Variants in CFAP44 observed in about 807,000 individuals in gnomAD.
CFAP44 encodes cilia- and flagella-associated protein 44.
In CFAP44, 134 loss-of-function variants were observed where a neutral mutation model predicts 216.2. The ratio of observed to expected loss-of-function variants is 0.62; its 90% CI spans 0.54 to 0.72. The LOEUF (loss-of-function observed/expected upper bound fraction) is 0.72. CFAP44 is among the 30% of genes least tolerant of loss of function. The pLI is 0.00. For synonymous variants in CFAP44, 700 were observed against 727.6 expected, an observed-to-expected ratio of 0.96 and a Z score of 0.61; for missense variants, 2,035 against 2,182.1, an observed-to-expected ratio of 0.93 and a Z score of 1.34.
intron 15 of CFAP44, among the ~76,000 whole-genome samples, chr3:113,386,314 C>T (rs1394559995): frequency 6.6e-6 from 1 of 152,060 alleles, no homozygotes; most frequent in African/African-American, 2.4e-5. Context: ...CATTCAGCTT[C>T]TCTATGTCTT....
intron 5 of CFAP44, among the ~76,000 whole-genome samples, chr3:113,418,477 T>C (rs1361805406): frequency 1.3e-5 from 2 of 152,154 alleles, no homozygotes; most frequent in Non-Finnish European, 2.9e-5. Context: ...CCAGGTAGGG[T>C]GCCCAAACAC....
At chr3:113,313,697 T>C (rs557760438) in intron 28 of CFAP44, among the ~76,000 whole-genome samples, 4 of 152,128 alleles carry the variant, frequency 2.6e-5, no homozygotes, top group South Asian at 4.1e-4. Context: ...GCAGTGAATA[T>C]GTCTCACAAG....
At position 113,380,842 on chromosome 3, in the gene CFAP44, T is replaced by G. The variant is rs527291720; in HGVS notation, c.2052+57A>C. ...TCCATCAGCACTTAACATAGGATAT[T>G]TTATATTCTAAGGAAAGGAAATTAT... On this transcript the variant is annotated intron_variant, in intron 16 of 34. Coordinates refer to ENST00000393845, the MANE Select transcript of CFAP44 (RefSeq NM_001164496.2). The G allele has an allele frequency of 6.5e-6, 9 of 1,379,562 alleles. No individual in the cohort carries two copies. The East Asian group carries it at 2.0e-4, about 31-fold the overall frequency. 85.5% of individuals were successfully genotyped at this position (1,379,562 alleles called of 1,614,324 possible).
chr3:113,419,787 T>C (rs1934758102), intron 5 of CFAP44, among the ~76,000 whole-genome samples: 1 of 152,162 alleles, frequency 6.6e-6, no homozygotes, highest in South Asian at 2.1e-4. Context: ...CATTTCCTTA[T>C]CTGCAAAAAG....
intron 21 of CFAP44, 69 bp from the exon 22 acceptor site, chr3:113,358,944 G>A: frequency 1.4e-6 from 2 of 1,474,036 alleles, no homozygotes; most frequent in Non-Finnish European, 9.0e-7. Flanking sequence ...TTTCAGTTTT[G>A]TCCCCAGTTT....
At chr3:113,314,063 G>C (rs1576543147) in intron 28 of CFAP44, among the ~76,000 whole-genome samples, 1 of 152,102 alleles carries the variant, frequency 6.6e-6, no homozygotes, top group Non-Finnish European at 1.5e-5. Context: ...GAGCCTCAGG[G>C]ACCTTTTGGA....
In CFAP44 at chr3:113,393,842, TCAC is replaced by T. The variant is rs548379361; in HGVS notation, c.1890+1905_1890+1907del. Among the ~76,000 whole-genome samples the T allele has an allele frequency of 3.0e-3, 463 of 152,144 alleles. 3 individuals carry two copies. Among genetic ancestry groups the T allele is most frequent in the Admixed American group, 2.3e-3 (35 of 15,272 alleles). On this transcript the variant is annotated intron_variant, in intron 15 of 34. Coordinates refer to ENST00000393845, the MANE Select transcript of CFAP44 (RefSeq NM_001164496.2). ...CCCACTCTCCCTCTTGCTTCCTCTC[TCAC>T]CACATGATCTCTATACAGGCTAACT... is the stretch of plus-strand genomic sequence containing the variant.
chr3:113,327,019 T>C (rs902720206), intron 27 of CFAP44, among the ~76,000 whole-genome samples: 3 of 152,122 alleles, frequency 2.0e-5, no homozygotes, highest in African/African-American at 7.2e-5. Flanking sequence ...CAAAGAGACA[T>C]ATAATTTCTA....
intron 21 of CFAP44, among the ~76,000 whole-genome samples, chr3:113,359,478 T>C (rs1950518674): frequency 6.6e-6 from 1 of 152,216 alleles, no homozygotes; most frequent in African/African-American, 2.4e-5. Flanking sequence ...AGTAATGATG[T>C]GTACAAAGTG....
At chr3:113,296,006 T>G (rs1003154887) in intron 33 of CFAP44, among the ~76,000 whole-genome samples, 1 of 152,174 alleles carries the variant, frequency 6.6e-6, no homozygotes, top group African/African-American at 2.4e-5. Flanking sequence ...CATCACCAGA[T>G]AGCAAACGTT....
Position 113,330,521 on chromosome 3 carries a change from T to C in CFAP44, c.3763A>G (p.Lys1255Glu). 1 of 1,537,242 alleles carries C rather than the reference T, an allele frequency of 6.5e-7. No individual in the cohort carries two copies. ...TCTTCTGGGTGTATCTGAGGAATTTTGGGAATGGGTATGTGCTTGGATATG... is the reference window on the plus strand; with the variant it reads ...TCTTCTGGGTGTATCTGAGGAATTTCGGGAATGGGTATGTGCTTGGATATG... ...LHISKHIPIP[K>E]IPQIHPEEVP... Residue 1255 changes from lysine to glutamate, a missense_variant, in exon 26 of 35, where the codon AAA becomes GAA. This residue lies in a region of CFAP44 where 1,883 missense variants were observed against 2,023.7 expected (regional missense o/e 0.93). Transcript: ENST00000393845.
intron 22 of CFAP44, among the ~76,000 whole-genome samples, chr3:113,347,110 G>A (rs1277962609): frequency 2.6e-5 from 4 of 152,282 alleles, no homozygotes; most frequent in Admixed American, 2.6e-4. Context: ...GAATTCGGGG[G>A]CTAAATACTG....
chr3:113,395,817 T>A lies in CFAP44; in HGVS notation c.1823A>T (p.Tyr608Phe), dbSNP rs1378021946. 1 of 1,614,006 alleles carries A rather than the reference T, an allele frequency of 6.2e-7. No individual in the cohort carries two copies. The highest frequency in any genetic ancestry group is 1.7e-5 in the Admixed American group (1 of 59,992). The change falls in exon 15 of 35, where the codon TAT becomes TTT. Residue 608 changes from tyrosine to phenylalanine, a missense_variant. Tyr to Phe is a conservative substitution (Grantham distance 22). Transcript: ENST00000393845. ...AGTATTAATATAACCAATCGGCTTA[T>A]AATCCCTTTCCACTTCAAAGAAGAA... is the stretch of plus-strand genomic sequence containing the variant. ...TVFFFEVERDYKPIGYINTPG... is the reference protein window; with the variant it reads ...TVFFFEVERDFKPIGYINTPG...
intron 22 of CFAP44, among the ~76,000 whole-genome samples, chr3:113,354,650 G>A (rs1950477733): frequency 6.6e-6 from 1 of 152,174 alleles, no homozygotes; most frequent in South Asian, 2.1e-4. Flanking sequence ...CAAGGAGAGG[G>A]TGAGCTCAGA....
Position 113,409,313 on chromosome 3 carries a change from T to C in CFAP44, c.683A>G (p.Glu228Gly), listed in dbSNP as rs1934386432. ...RPYRVLRDGT[E>G]KGYAYVDFNY... Reference sequence around the variant, plus strand: ...AAAGTCCACATAAGCATATCCCTTCTCAGTCCCATCTGGAAGGATAAATGG... The same window carrying C: ...AAAGTCCACATAAGCATATCCCTTCCCAGTCCCATCTGGAAGGATAAATGG... The change falls in exon 7 of 35, where the codon GAG (glutamate) becomes GGG (glycine). Residue 228 changes from glutamate to glycine, a missense_variant. Physicochemically the swap from Glu to Gly is moderately conservative, Grantham distance 98. Coordinates refer to ENST00000393845, the MANE Select transcript of CFAP44 (RefSeq NM_001164496.2). The C allele has an allele frequency of 1.2e-6, 2 of 1,613,564 alleles. No homozygotes were observed. The highest frequency in any genetic ancestry group is 1.7e-6 in the Non-Finnish European group (2 of 1,179,716).
intron 6 of CFAP44, among the ~76,000 whole-genome samples, chr3:113,410,333 G>C (rs1043381975): frequency 1.3e-5 from 2 of 151,996 alleles, no homozygotes; most frequent in Admixed American, 1.3e-4. Context: ...GGTGTGTGAT[G>C]TTCCCCTTCC....
At chr3:113,301,657 G>T (rs540343193) in intron 32 of CFAP44, among the ~76,000 whole-genome samples, 2 of 152,224 alleles carry the variant, frequency 1.3e-5, no homozygotes, top group East Asian at 3.9e-4. Context: ...GACAAAAATT[G>T]TATATATTAT....
At position 113,333,567 on chromosome 3, in the gene CFAP44, C is replaced by T; in HGVS notation, c.3454G>A (p.Gly1152Ser). 1 of 1,532,988 alleles carries T rather than the reference C, an allele frequency of 6.5e-7. No homozygotes were observed. The highest frequency in any genetic ancestry group is 8.7e-7 in the Non-Finnish European group (1 of 1,145,790). 95.0% of individuals were successfully genotyped at this position (1,532,988 alleles called of 1,614,324 possible). Residue 1152 changes from glycine (G) to serine (S), a missense_variant, in exon 25 of 35, where the codon GGT (glycine) becomes AGT (serine). Physicochemically the swap from Gly to Ser is moderately conservative, Grantham distance 56. Transcript: ENST00000393845. ...TCTTTGGGATCTTCATAGTCATCACCAGGTTTACTCTTGTATCTATTAGAA... is the reference window on the plus strand; with the variant it reads ...TCTTTGGGATCTTCATAGTCATCACTAGGTTTACTCTTGTATCTATTAGAA... ...EWEELYKSKP[G>S]DDYEDPKDLQ...
intron 32 of CFAP44, among the ~76,000 whole-genome samples, chr3:113,302,702 A>C (rs1448205971): frequency 6.8e-6 from 1 of 147,488 alleles, no homozygotes; most frequent in Non-Finnish European, 1.5e-5. Context: ...CAGAGGTTGC[A>C]GTGAGCCAAG....
Sources: gnomAD v4.1 joint callset for allele counts (sites outside exome capture counted in the v4.1 genomes callset) on GRCh38, gnomAD v4.1.1 for gene constraint, gnomAD v4.1.1 regional missense constraint, MANE v1.5 for transcripts, NCBI Gene and HGNC (gene_info 2026-07-23, HGNC 2026-07-21) for gene names.